TENM4: variants seen among roughly 807,000 people sequenced by gnomAD.
TENM4 encodes the protein teneurin transmembrane protein 4.
A neutral mutation model predicts 243.3 loss-of-function variants in TENM4; 82 were observed. The observed-to-expected ratio is 0.34, with a 90% confidence interval of 0.28 to 0.40. The LOEUF is 0.40. TENM4 is among the 10% of genes least tolerant of loss of function. The pLI, the probability that TENM4 is intolerant of heterozygous loss-of-function variation, is 1.00. For missense variants in TENM4, 3,138 were observed against 3,673.3 expected (o/e 0.85, Z 3.77); for synonymous variants, 1,412 against 1,456.3 (o/e 0.97, Z 0.69).
chr11:78,814,198 G>A, intron 13 of TENM4, 96 bp downstream of exon 13: 2 of 1,193,464 alleles, frequency 1.7e-6, no homozygotes, highest in East Asian at 2.7e-5. Context: ...GGCATCAGAA[G>A]GTGGGCTGGA....
intron 1 of TENM4, among the ~76,000 whole-genome samples, chr11:79,369,809 C>G (rs1177364850): frequency 6.6e-6 from 1 of 152,194 alleles, no homozygotes; most frequent in Admixed American, 6.5e-5. Context: ...GATTTCACAG[C>G]TCTGAGTAGA....
intron 1 of TENM4, among the ~76,000 whole-genome samples, chr11:79,409,091 TGTGTGTGTGTGCGCGCGCGCGCGTGC>T (rs1305602524): frequency 8.1e-4 from 95 of 117,046 alleles, no homozygotes; most frequent in Non-Finnish European, 1.3e-3. Flanking sequence ...TGTGTGTGTG[TGTGTGTGTGTGCGCGCGCGCGCGTGC>T]GTGCACGCGC....
intron 16 of TENM4, 88 bp downstream of exon 16, chr11:78,786,810 G>A (rs1591023275): frequency 6.6e-7 from 1 of 1,515,252 alleles, no homozygotes; most frequent in East Asian, 2.5e-5. Context: ...CACATGCGAT[G>A]AGGGCCCAGG....
chr11:79,234,111 G>A (rs1225665840), intron 2 of TENM4, among the ~76,000 whole-genome samples: 1 of 152,178 alleles, frequency 6.6e-6, no homozygotes, highest in Non-Finnish European at 1.5e-5. Flanking sequence ...TCTGAGACTT[G>A]TTTCCCTATC....
chr11:79,223,064 G>A (rs1864194720), intron 2 of TENM4, among the ~76,000 whole-genome samples: 1 of 152,044 alleles, frequency 6.6e-6, no homozygotes, highest in South Asian at 2.1e-4. Flanking sequence ...GTTGACAGGT[G>A]CAGCACACCG....
chr11:79,092,891 ACT>A (rs1232116857), intron 4 of TENM4: 11 of 152,226 alleles, frequency 7.2e-5, no homozygotes, highest in African/African-American at 2.2e-4. Context: ...GAGGTAAGTT[ACT>A]CTAATTCTCA....
chr11:78,769,507 G>A (rs1207479395), intron 18 of TENM4, among the ~76,000 whole-genome samples: 1 of 152,198 alleles, frequency 6.6e-6, no homozygotes, highest in Non-Finnish European at 1.5e-5. Flanking sequence ...TGAGGTCCTG[G>A]CATATAGGGA....
intron 12 of TENM4, among the ~76,000 whole-genome samples, chr11:78,818,408 G>A (rs1240385080): frequency 6.6e-6 from 1 of 152,352 alleles, no homozygotes; most frequent in East Asian, 1.9e-4. Flanking sequence ...TGCTAAACCT[G>A]ACAGCATAGA....
intron 1 of TENM4, among the ~76,000 whole-genome samples, chr11:79,372,040 C>T (rs556121289): frequency 1.6e-4 from 25 of 152,282 alleles, no homozygotes; most frequent in African/African-American, 5.8e-4. Context: ...AGAGCCCAAA[C>T]AGCAGTGCTC....
intron 6 of TENM4, among the ~76,000 whole-genome samples, chr11:78,905,617 C>A (rs757372738): frequency 3.9e-5 from 6 of 152,202 alleles, no homozygotes; most frequent in African/African-American, 1.4e-4. Flanking sequence ...AGGAGATGTA[C>A]TGAGACCATC....
chr11:79,437,753 C>A (rs1453712846), intron 1 of TENM4, among the ~76,000 whole-genome samples: 1 of 152,298 alleles, frequency 6.6e-6, no homozygotes, highest in African/African-American at 2.4e-5. Context: ...GTCCCCTCCC[C>A]CTCTGCGGTC....
At chr11:78,974,903 T>C (rs530758487) in intron 6 of TENM4, among the ~76,000 whole-genome samples, 1 of 151,918 alleles carries the variant, frequency 6.6e-6, no homozygotes, top group East Asian at 2.0e-4. Flanking sequence ...CAGGCTAGTC[T>C]CGAACTCCTG....
At chr11:79,320,740 T>G (rs1289505138) in intron 1 of TENM4, among the ~76,000 whole-genome samples, 1 of 152,166 alleles carries the variant, frequency 6.6e-6, no homozygotes, top group Non-Finnish European at 1.5e-5. Context: ...ATGAAGATAA[T>G]GATAATGATA....
At chr11:79,144,229 A>C (rs1158790732) in intron 4 of TENM4, among the ~76,000 whole-genome samples, 1 of 152,134 alleles carries the variant, frequency 6.6e-6, no homozygotes, top group Non-Finnish European at 1.5e-5. Flanking sequence ...TATCAGAGAA[A>C]AGCAAATCAA....
chr11:78,853,707 A>G (rs530154), intron 12 of TENM4, among the ~76,000 whole-genome samples: 41,458 of 152,096 alleles, frequency 0.27, 6,011 homozygotes, highest in Middle Eastern at 0.37. Context: ...AAAGAATGAA[A>G]ACCAAAACAA....
At chr11:79,358,453 G>A (rs546624510) in intron 1 of TENM4, among the ~76,000 whole-genome samples, 1 of 152,244 alleles carries the variant, frequency 6.6e-6, no homozygotes, top group South Asian at 2.1e-4. Flanking sequence ...TCATTCATGG[G>A]CCGGATGAAA....
chr11:79,395,447 C>T (rs556710077), intron 1 of TENM4, among the ~76,000 whole-genome samples: 1 of 152,184 alleles, frequency 6.6e-6, no homozygotes, highest in Non-Finnish European at 1.5e-5. Context: ...CAAGAACTTG[C>T]CACCAGGAAC....
intron 6 of TENM4, among the ~76,000 whole-genome samples, chr11:78,914,355 A>T (rs1004459391): frequency 1.2e-4 from 19 of 152,210 alleles, no homozygotes; most frequent in African/African-American, 4.6e-4. Flanking sequence ...AAGGGGTGGG[A>T]GAAGGAGTAA....
intron 1 of TENM4, among the ~76,000 whole-genome samples, chr11:79,328,364 G>T (rs986507831): frequency 1.3e-5 from 2 of 152,170 alleles, no homozygotes; most frequent in African/African-American, 4.8e-5. Context: ...TCCCCAAGCT[G>T]GGAAGAGAGT....
Sources: allele counts gnomAD v4.1 joint callset (sites outside exome capture counted in the v4.1 genomes callset), GRCh38; gene constraint gnomAD v4.1.1; transcripts MANE v1.5; gene names NCBI Gene and HGNC (gene_info 2026-07-23, HGNC 2026-07-21).